Variants in CCNY observed in about 807,000 individuals in gnomAD.
The protein encoded by CCNY is cyclin-Y.
Under a neutral mutation model 42.8 loss-of-function variants are expected in CCNY, and 19 were observed. The observed-to-expected ratio is 0.44, with a 90% CI of 0.31 to 0.65. The LOEUF is 0.65. Among genes scored for constraint, CCNY ranks in the 30% least tolerant of loss-of-function variants. The pLI is 0.07. For synonymous variants in CCNY, 165 were observed against 162.7 expected (o/e 1.01, Z -0.11); for missense variants, 370 against 437.3 (o/e 0.85, Z 1.37).
chr10:35,258,379 T>A (rs572971437), intron 3 of CCNY, among the ~76,000 whole-genome samples: 1 of 152,284 alleles, frequency 6.6e-6, no homozygotes, highest in East Asian at 1.9e-4. Context: ...TATATGCAGT[T>A]GCTTTTGACT....
At chr10:35,371,210 C>A (rs1468743805) in intron 1 of CCNY, among the ~76,000 whole-genome samples, 3 of 152,146 alleles carry the variant, frequency 2.0e-5, no homozygotes, top group Admixed American at 6.5e-5. Flanking sequence ...GATACAGAAG[C>A]AACGTGATAC....
At chr10:35,307,000 G>A (rs1411507104) in intron 3 of CCNY, among the ~76,000 whole-genome samples, 1 of 152,126 alleles carries the variant, frequency 6.6e-6, no homozygotes, top group Admixed American at 6.6e-5. Flanking sequence ...ACCTGAGGGC[G>A]TGCAGTCCCG....
intron 3 of CCNY, among the ~76,000 whole-genome samples, chr10:35,280,575 C>T (rs920212313): frequency 2.6e-5 from 4 of 152,136 alleles, no homozygotes; most frequent in Admixed American, 2.6e-4. Flanking sequence ...AAGTTGGACC[C>T]TTACCTCACA....
intron 8 of CCNY, among the ~76,000 whole-genome samples, chr10:35,563,907 G>A (rs7900813): frequency 0.014 from 2,006 of 145,024 alleles, 37 homozygotes; most frequent in African/African-American, 0.049. Context: ...ACAGAGTTTC[G>A]CTCTTGTAGT....
At chr10:35,534,690 A>G (rs181009288) in intron 7 of CCNY, among the ~76,000 whole-genome samples, 1 of 152,170 alleles carries the variant, frequency 6.6e-6, no homozygotes, top group East Asian at 1.9e-4. Flanking sequence ...ACCTAATTTC[A>G]GAATATTCCC....
At chr10:35,316,520 T>G (rs576295909) in intron 3 of CCNY, 1 of 152,354 alleles carries the variant, frequency 6.6e-6, no homozygotes, top group South Asian at 2.1e-4. Context: ...TTGAACCAAA[T>G]GTAAAAGAAT....
chr10:35,540,119 C>T (rs866771022), intron 7 of CCNY, among the ~76,000 whole-genome samples: 5 of 152,184 alleles, frequency 3.3e-5, no homozygotes, highest in African/African-American at 1.2e-4. Flanking sequence ...ATAGAAGTAT[C>T]ACGAGTGCAC....
At chr10:35,465,938 A>AGAGAGAGAGAGAGAGAGAGTGT in intron 1 of CCNY, among the ~76,000 whole-genome samples, 69 of 80,998 alleles carry the variant, frequency 8.5e-4, no homozygotes, top group South Asian at 4.0e-3. Context: ...AGAGAGAGAG[A>AGAGAGAGAGAGAGAGAGAGTGT]GTGTGTGTGT....
intron 2 of CCNY, among the ~76,000 whole-genome samples, chr10:35,491,676 C>T (rs964324540): frequency 6.6e-5 from 10 of 152,094 alleles, no homozygotes; most frequent in African/African-American, 1.2e-4. Context: ...TGCAGTGGCA[C>T]GATCTCGGCT....
intron 3 of CCNY, among the ~76,000 whole-genome samples, chr10:35,515,586 A>C (rs1840411604): frequency 6.6e-6 from 1 of 152,164 alleles, no homozygotes; most frequent in Non-Finnish European, 1.5e-5. Context: ...TGTGATCCCC[A>C]AGGGATTATT....
At chr10:35,441,360 G>C (rs142261898) in intron 1 of CCNY, among the ~76,000 whole-genome samples, 240 of 152,366 alleles carry the variant, frequency 1.6e-3, no homozygotes, top group Non-Finnish European at 2.6e-3. Flanking sequence ...TGTGGCCTTA[G>C]AGAGTGGTAC....
At chr10:35,285,643 G>A (rs1835346569) in intron 3 of CCNY, among the ~76,000 whole-genome samples, 1 of 152,058 alleles carries the variant, frequency 6.6e-6, no homozygotes, top group African/African-American at 2.4e-5. Context: ...GTAGAGACAG[G>A]GTCTCATTAT....
intron 7 of CCNY, among the ~76,000 whole-genome samples, chr10:35,549,220 A>G (rs1841189290): frequency 6.6e-6 from 1 of 151,992 alleles, no homozygotes. Context: ...ACCTGGCAAA[A>G]TAAGCCACAA....
intron 3 of CCNY, among the ~76,000 whole-genome samples, chr10:35,330,829 C>T (rs1320010670): frequency 2.6e-5 from 4 of 151,500 alleles, no homozygotes; most frequent in Non-Finnish European, 2.9e-5. Context: ...CATCTCAGCT[C>T]ACTGCAAACC....
intron 1 of CCNY, among the ~76,000 whole-genome samples, chr10:35,403,165 A>G (rs1332327630): frequency 6.6e-6 from 1 of 152,026 alleles, no homozygotes; most frequent in Non-Finnish European, 1.5e-5. Flanking sequence ...CCTGAGGGGT[A>G]GTGGAATAGC....
At chr10:35,526,056 C>A (rs1015803607) in intron 5 of CCNY, 57 bp downstream of exon 5, 2 of 1,465,594 alleles carry the variant, frequency 1.4e-6, no homozygotes, top group Non-Finnish European at 1.9e-6. Flanking sequence ...TATGTTGTTC[C>A]TATTTTTTCA....
At chr10:35,335,521 T>C (rs139176320), upstream of CCNY, among the ~76,000 whole-genome samples, 22 of 151,436 alleles carry the variant, frequency 1.5e-4, 1 homozygote, top group East Asian at 2.9e-3. Context: ...CAAAATACAA[T>C]AGAAAACTCC....
At chr10:35,430,665 G>A (rs914074855) in intron 1 of CCNY, among the ~76,000 whole-genome samples, 1 of 152,074 alleles carries the variant, frequency 6.6e-6, no homozygotes, top group Non-Finnish European at 1.5e-5. Flanking sequence ...ATGTCCATTG[G>A]AATTGAGGAT....
chr10:35,308,972 C>T (rs1835649412), intron 3 of CCNY, among the ~76,000 whole-genome samples: 1 of 152,020 alleles, frequency 6.6e-6, no homozygotes, highest in Non-Finnish European at 1.5e-5. Context: ...TCAACCAGGC[C>T]AGGAAAACAG....
Sources: allele counts gnomAD v4.1 joint callset (sites outside exome capture counted in the v4.1 genomes callset), GRCh38; gene constraint gnomAD v4.1.1; transcripts MANE v1.5; gene names NCBI Gene and HGNC (gene_info 2026-07-23, HGNC 2026-07-21).